Variants in EFNA5 observed in about 807,000 individuals in gnomAD.
EFNA5 encodes ephrin A5.
A neutral mutation model predicts 22.9 loss-of-function variants in EFNA5; 5 were observed. The ratio of observed to expected loss-of-function variants is 0.22; its 90% CI spans 0.11 to 0.46. The LOEUF (loss-of-function observed/expected upper bound fraction) is 0.46, where lower values mean the gene tolerates loss of function less well. EFNA5 is among the 20% of genes least tolerant of loss of function. The pLI is 0.99. For missense variants in EFNA5, 237 were observed against 293.3 expected (o/e 0.81, Z 1.40); for synonymous variants, 113 against 112.2 (o/e 1.01, Z -0.04).
intron 1 of EFNA5, among the ~76,000 whole-genome samples, chr5:107,565,848 G>T (rs559855965): frequency 1.3e-5 from 2 of 152,316 alleles, no homozygotes; most frequent in Non-Finnish European, 2.9e-5. Flanking sequence ...ATTTTCCACT[G>T]TTAGGAAGAA....
chr5:107,636,386 C>A (rs1004656438), intron 1 of EFNA5, among the ~76,000 whole-genome samples: 1 of 152,212 alleles, frequency 6.6e-6, no homozygotes, highest in African/African-American at 2.4e-5. Context: ...GAGCCCAAAG[C>A]ACAAAGCATG....
Position 107,602,229 on chromosome 5 carries a change from C to A in EFNA5, c.125+68260G>T, listed in dbSNP as rs185609810. ...GTTAAATTTGGAAAATCCACAGGTACCTCACTTATCTATATATAACATGGC... is the reference window on the plus strand; with the variant it reads ...GTTAAATTTGGAAAATCCACAGGTAACTCACTTATCTATATATAACATGGC... On this transcript the variant is annotated intron_variant, in intron 1 of 4. Transcript: ENST00000333274. Among the ~76,000 whole-genome samples, 31 of 152,246 alleles carry A rather than the reference C, an allele frequency of 2.0e-4. No individual in the cohort carries two copies. The East Asian group carries it at 5.0e-3, about 25-fold the overall frequency.
At chr5:107,469,745 C>T (rs1345807478) in intron 1 of EFNA5, among the ~76,000 whole-genome samples, 1 of 151,952 alleles carries the variant, frequency 6.6e-6, no homozygotes, top group Admixed American at 6.6e-5. Flanking sequence ...TGCATTGTGG[C>T]TTAATCTCAA....
intron 1 of EFNA5, among the ~76,000 whole-genome samples, chr5:107,492,050 G>T (rs868075131): frequency 6.6e-6 from 1 of 152,084 alleles, no homozygotes; most frequent in African/African-American, 2.4e-5. Context: ...GGCCAGGCTG[G>T]TCTCAAACTC....
intron 1 of EFNA5, among the ~76,000 whole-genome samples, chr5:107,603,027 T>C (rs1749636966): frequency 6.6e-6 from 1 of 152,192 alleles, no homozygotes; most frequent in African/African-American, 2.4e-5. Flanking sequence ...GTTCAATAAA[T>C]GGTGTTCTTA....
At chr5:107,510,132 G>A (rs1747338934) in intron 1 of EFNA5, among the ~76,000 whole-genome samples, 1 of 152,208 alleles carries the variant, frequency 6.6e-6, no homozygotes, top group Non-Finnish European at 1.5e-5. Context: ...ATGTGGTAAA[G>A]AAGCCAACCA....
At chr5:107,522,096 C>G (rs1406218841) in intron 1 of EFNA5, among the ~76,000 whole-genome samples, 1 of 152,156 alleles carries the variant, frequency 6.6e-6, no homozygotes, top group Non-Finnish European at 1.5e-5. Context: ...GAAAACTCTT[C>G]CATGAAGCAG....
chr5:107,489,308 G>A (rs2112411235), intron 1 of EFNA5, among the ~76,000 whole-genome samples: 1 of 152,086 alleles, frequency 6.6e-6, no homozygotes, highest in East Asian at 1.9e-4. Flanking sequence ...CTAGTAGCTG[G>A]GATTACAGGC....
At chr5:107,646,572 C>T (rs1750637564) in intron 1 of EFNA5, among the ~76,000 whole-genome samples, 1 of 152,232 alleles carries the variant, frequency 6.6e-6, no homozygotes, top group East Asian at 1.9e-4. Flanking sequence ...CATGTTGGTA[C>T]TAGTTCTTCC....
intron 1 of EFNA5, among the ~76,000 whole-genome samples, chr5:107,507,217 G>A (rs1747271451): frequency 6.6e-6 from 1 of 152,150 alleles, no homozygotes; most frequent in African/African-American, 2.4e-5. Flanking sequence ...TGAGAAGAAT[G>A]GGAGGACCAG....
At chr5:107,651,670 C>CAAA (rs5870275) in intron 1 of EFNA5, among the ~76,000 whole-genome samples, 23 of 136,990 alleles carry the variant, frequency 1.7e-4, no homozygotes, top group African/African-American at 5.1e-4. Context: ...GGTTTTTTGG[C>CAAA]AAAAAAAAAA....
In EFNA5 at chr5:107,383,427, A is replaced by C. The variant is rs114823005; in HGVS notation, c.566-2051T>G. On this transcript the variant is annotated intron_variant, in intron 4 of 4. Transcript: ENST00000333274. ...CTGTAGTTAATAGGAAGTAGAAGTA[A>C]AGGCCCTTAATAGCCCTGAAATTAA... is the stretch of plus-strand genomic sequence containing the variant. Among the ~76,000 whole-genome samples, 812 of 152,296 alleles carry C rather than the reference A, an allele frequency of 5.3e-3. 9 individuals carry two copies. The highest frequency in any genetic ancestry group is 0.019 in the African/African-American group (770 of 41,558).
At chr5:107,616,545 T>G (rs1749917647) in intron 1 of EFNA5, among the ~76,000 whole-genome samples, 1 of 152,164 alleles carries the variant, frequency 6.6e-6, no homozygotes, top group Admixed American at 6.5e-5. Context: ...CCATGCACAT[T>G]CTTTTTAAAA....
chr5:107,605,239 T>C (rs182216422), intron 1 of EFNA5, among the ~76,000 whole-genome samples: 1 of 151,962 alleles, frequency 6.6e-6, no homozygotes, highest in Non-Finnish European at 1.5e-5. Context: ...ATGCCTCTTA[T>C]GGGTATTAGG....
At chr5:107,469,118 A>G (rs1226869499) in intron 1 of EFNA5, among the ~76,000 whole-genome samples, 1 of 152,166 alleles carries the variant, frequency 6.6e-6, no homozygotes, top group Non-Finnish European at 1.5e-5. Context: ...AAACATTATT[A>G]AGAATTTCAA....
At chr5:107,464,248 T>C (rs530381161) in intron 1 of EFNA5, among the ~76,000 whole-genome samples, 4 of 152,214 alleles carry the variant, frequency 2.6e-5, no homozygotes, top group African/African-American at 7.2e-5. Flanking sequence ...TTTGGTCCAC[T>C]CTCCTGTCCT....
chr5:107,555,502 G>C (rs1421068344), intron 1 of EFNA5, among the ~76,000 whole-genome samples: 3 of 152,168 alleles, frequency 2.0e-5, no homozygotes, highest in Non-Finnish European at 4.4e-5. Context: ...TCAATGTAAA[G>C]AGATTTTTAT....
chr5:107,588,342 G>A (rs535124632), intron 1 of EFNA5, among the ~76,000 whole-genome samples: 64 of 151,830 alleles, frequency 4.2e-4, no homozygotes, highest in African/African-American at 1.2e-3. Context: ...GTATCCTTCC[G>A]TCCTGGAAGA....
intron 1 of EFNA5, among the ~76,000 whole-genome samples, chr5:107,542,164 T>C (rs1473471545): frequency 6.6e-6 from 1 of 152,166 alleles, no homozygotes; most frequent in African/African-American, 2.4e-5. Context: ...GGGAAAATAA[T>C]ATGTCTTCTT....
Sources: gnomAD v4.1 joint callset for allele counts (sites outside exome capture counted in the v4.1 genomes callset) on GRCh38, gnomAD v4.1.1 for gene constraint, MANE v1.5 for transcripts, NCBI Gene and HGNC (gene_info 2026-07-23, HGNC 2026-07-21) for gene names.